PALM2AKAP2: variants seen among roughly 807,000 people sequenced by gnomAD.
PALM2AKAP2 encodes the protein PALM2-AKAP2 fusion protein.
Under a neutral mutation model 71.5 loss-of-function variants are expected in PALM2AKAP2, and 37 were observed. That is an observed-to-expected ratio of 0.52 (90% CI 0.40 to 0.68). The LOEUF is 0.68. Among genes scored for constraint, PALM2AKAP2 ranks in the 30% least tolerant of loss-of-function variants. PALM2AKAP2 has a pLI of 0.00. For synonymous variants in PALM2AKAP2, 468 were observed against 478.8 expected (o/e 0.98, Z 0.29); for missense variants, 1,224 against 1,191.8 (o/e 1.03, Z -0.40).
At chr9:110,030,206 G>C (rs148788394) in intron 7 of PALM2AKAP2, among the ~76,000 whole-genome samples, 6 of 152,176 alleles carry the variant, frequency 3.9e-5, no homozygotes, top group Non-Finnish European at 7.4e-5. Flanking sequence ...GATAGGAAGT[G>C]GGGGGAAGGG....
intron 6 of PALM2AKAP2, among the ~76,000 whole-genome samples, chr9:110,003,929 A>G (rs1161423362): frequency 6.6e-6 from 1 of 152,164 alleles, no homozygotes; most frequent in African/African-American, 2.4e-5. Flanking sequence ...GTGTCTCTGC[A>G]CATGAGGTAG....
chr9:109,762,151 G>T (rs1288932349), intron 1 of PALM2AKAP2, among the ~76,000 whole-genome samples: 1 of 141,932 alleles, frequency 7.0e-6, no homozygotes, highest in African/African-American at 2.5e-5. Flanking sequence ...GATCTAGAAG[G>T]ACAGAATTTT....
At chr9:109,656,856 T>C (rs556529524) in intron 1 of PALM2AKAP2, among the ~76,000 whole-genome samples, 43 of 152,322 alleles carry the variant, frequency 2.8e-4, no homozygotes, top group Non-Finnish European at 5.1e-4. Flanking sequence ...CACTGTGATA[T>C]TGATGAGGAG....
intron 1 of PALM2AKAP2, among the ~76,000 whole-genome samples, chr9:109,684,285 G>T (rs1564111996): frequency 6.6e-6 from 1 of 152,134 alleles, no homozygotes; most frequent in Non-Finnish European, 1.5e-5. Context: ...CAGCATCTAG[G>T]GCAGTGGTGC....
intron 1 of PALM2AKAP2, among the ~76,000 whole-genome samples, chr9:109,795,297 C>T (rs1437723769): frequency 6.6e-6 from 1 of 152,150 alleles, no homozygotes; most frequent in African/African-American, 2.4e-5. Flanking sequence ...GGTTACCTGA[C>T]CAAATGTACT....
At chr9:109,862,739 G>A (rs770153692) in intron 1 of PALM2AKAP2, among the ~76,000 whole-genome samples, 62 of 152,320 alleles carry the variant, frequency 4.1e-4, no homozygotes, top group Middle Eastern at 3.4e-3. Flanking sequence ...AGAAGACTAG[G>A]CAGATCAAAA....
chr9:110,002,515 G>A (rs1053183115), intron 6 of PALM2AKAP2, among the ~76,000 whole-genome samples: 58 of 152,062 alleles, frequency 3.8e-4, no homozygotes, highest in African/African-American at 1.2e-3. Context: ...GTCTCTGCCA[G>A]GCTTTGGTAT....
chr9:109,652,369 C>G (rs937309770), intron 1 of PALM2AKAP2, among the ~76,000 whole-genome samples: 2 of 152,032 alleles, frequency 1.3e-5, no homozygotes, highest in African/African-American at 4.8e-5. Context: ...TTTAACAGAG[C>G]CTGGCACCTC....
chr9:110,130,131 T>C (rs373806716), intron 1 of PALM2AKAP2, among the ~76,000 whole-genome samples: 70 of 152,350 alleles, frequency 4.6e-4, no homozygotes, highest in African/African-American at 1.6e-3. Flanking sequence ...ATACCTGTCA[T>C]TTAAACCTCA....
intron 1 of PALM2AKAP2, among the ~76,000 whole-genome samples, chr9:109,660,372 G>A (rs1211927580): frequency 6.6e-6 from 1 of 152,000 alleles, no homozygotes; most frequent in East Asian, 1.9e-4. Context: ...ACAGGCCCTG[G>A]TGTGTGATAT....
At chr9:109,824,796 C>T (rs10759372) in intron 1 of PALM2AKAP2, among the ~76,000 whole-genome samples, 24,046 of 152,240 alleles carry the variant, frequency 0.16, 2,494 homozygotes, top group East Asian at 0.34. Flanking sequence ...ACAGCTGTGT[C>T]TGCCATGTAG....
chr9:109,643,980 G>A (rs1564099510), intron 1 of PALM2AKAP2, among the ~76,000 whole-genome samples: 1 of 146,552 alleles, frequency 6.8e-6, no homozygotes, highest in East Asian at 2.0e-4. Flanking sequence ...GGTGGGAGCA[G>A]GAGCAAGAGC....
intron 1 of PALM2AKAP2, among the ~76,000 whole-genome samples, chr9:109,771,225 C>T (rs1829256616): frequency 6.6e-6 from 1 of 152,170 alleles, no homozygotes; most frequent in East Asian, 1.9e-4. Flanking sequence ...GAGGGATAAC[C>T]CCTTTTCCTT....
chr9:109,944,652 G>A (rs189958586), intron 6 of PALM2AKAP2: 1 of 152,198 alleles, frequency 6.6e-6, no homozygotes, highest in East Asian at 1.9e-4. Flanking sequence ...AATATTAAGT[G>A]GCACATAGCT....
chr9:109,895,661 T>A (rs946939036), intron 3 of PALM2AKAP2, among the ~76,000 whole-genome samples: 1 of 152,160 alleles, frequency 6.6e-6, no homozygotes, highest in African/African-American at 2.4e-5. Context: ...TGTAAATGAG[T>A]GGCTTTTCTT....
intron 6 of PALM2AKAP2, among the ~76,000 whole-genome samples, chr9:109,999,285 GCCAAGATCACA>G (rs1215285155): frequency 3.3e-5 from 5 of 151,800 alleles, no homozygotes; most frequent in Non-Finnish European, 7.4e-5. Flanking sequence ...ATTACAGTGA[GCCAAGATCACA>G]CCAAGATCAC....
At chr9:110,059,353 A>G (rs1448712415) in intron 1 of PALM2AKAP2, among the ~76,000 whole-genome samples, 1 of 152,076 alleles carries the variant, frequency 6.6e-6, no homozygotes, top group Non-Finnish European at 1.5e-5. Flanking sequence ...GAATTCTAAA[A>G]CAGAGTTGGT....
intron 1 of PALM2AKAP2, among the ~76,000 whole-genome samples, chr9:109,720,368 A>G (rs1001075797): frequency 1.3e-5 from 2 of 152,246 alleles, no homozygotes; most frequent in African/African-American, 4.8e-5. Context: ...GGGGGTGGAT[A>G]GTAAATACAG....
intron 1 of PALM2AKAP2, among the ~76,000 whole-genome samples, chr9:109,860,097 G>A (rs1157377613): frequency 6.6e-6 from 1 of 152,222 alleles, no homozygotes; most frequent in Non-Finnish European, 1.5e-5. Context: ...ATGGTGTTGA[G>A]ATGAGATAAC....
Sources: allele counts gnomAD v4.1 joint callset (sites outside exome capture counted in the v4.1 genomes callset), GRCh38; gene constraint gnomAD v4.1.1; transcripts MANE v1.5; gene names NCBI Gene and HGNC (gene_info 2026-07-23, HGNC 2026-07-21).